IGSF11: variants seen among roughly 807,000 people sequenced by gnomAD.
The protein encoded by IGSF11 is immunoglobulin superfamily member 11.
Under a neutral mutation model 41.0 loss-of-function variants are expected in IGSF11, and 22 were observed. That is an observed-to-expected ratio of 0.54 (90% CI 0.38 to 0.77). The LOEUF is 0.77. Ranked by LOEUF, IGSF11 falls within the 30% of genes least tolerant of loss-of-function variation. The pLI is 0.00. For missense variants in IGSF11, 444 were observed against 530.8 expected (o/e 0.84, Z 1.61); for synonymous variants, 219 against 201.3 (o/e 1.09, Z -0.74).
intron 1 of IGSF11, among the ~76,000 whole-genome samples, chr3:119,120,726 G>A (rs2077321294): frequency 6.6e-6 from 1 of 152,172 alleles, no homozygotes; most frequent in Admixed American, 6.5e-5. Flanking sequence ...TTACCTGAAG[G>A]TTGCCATGAC....
At chr3:118,956,060 G>A in intron 1 of IGSF11, among the ~76,000 whole-genome samples, 1 of 152,130 alleles carries the variant, frequency 6.6e-6, no homozygotes, top group East Asian at 1.9e-4. Flanking sequence ...TTCATGTTAT[G>A]AAGACAACTT....
At chr3:118,993,448 T>A (rs952636987) in intron 1 of IGSF11, among the ~76,000 whole-genome samples, 1 of 152,206 alleles carries the variant, frequency 6.6e-6, no homozygotes, top group Non-Finnish European at 1.5e-5. Context: ...TGGAAAACAG[T>A]TTGGCGATTA....
At chr3:119,002,758 G>C (rs1197153930) in intron 1 of IGSF11, among the ~76,000 whole-genome samples, 2 of 103,450 alleles carry the variant, frequency 1.9e-5, no homozygotes, top group African/African-American at 9.2e-5. Context: ...GTTTTTCTCA[G>C]GTTTGTCAAA....
chr3:119,047,264 G>C (rs926347869), intron 1 of IGSF11, among the ~76,000 whole-genome samples: 2 of 152,006 alleles, frequency 1.3e-5, no homozygotes, highest in Non-Finnish European at 2.9e-5. Context: ...CTCATGTGCA[G>C]AGACACACAT....
intron 1 of IGSF11, among the ~76,000 whole-genome samples, chr3:119,048,110 A>AT (rs1380241997): frequency 6.6e-6 from 1 of 152,014 alleles, no homozygotes; most frequent in East Asian, 1.9e-4. Context: ...GAGCAAACAC[A>AT]TTCAAAAGCT....
intron 1 of IGSF11, among the ~76,000 whole-genome samples, chr3:118,932,671 G>A (rs551181504): frequency 6.6e-6 from 1 of 152,288 alleles, no homozygotes; most frequent in South Asian, 2.1e-4. Flanking sequence ...ACCTCATAAG[G>A]TAGAAATGGG....
chr3:119,046,184 T>C (rs957493585), intron 1 of IGSF11, among the ~76,000 whole-genome samples: 6 of 150,014 alleles, frequency 4.0e-5, no homozygotes, highest in African/African-American at 1.2e-4. Flanking sequence ...CTTCAGACGA[T>C]CAAATTACTC....
intron 1 of IGSF11, among the ~76,000 whole-genome samples, chr3:119,027,918 G>A (rs934530827): frequency 6.6e-6 from 1 of 152,108 alleles, no homozygotes; most frequent in Non-Finnish European, 1.5e-5. Flanking sequence ...TAAAATGTTA[G>A]TCTGATTTGA....
intron 1 of IGSF11, among the ~76,000 whole-genome samples, chr3:119,095,918 T>C (rs1388975054): frequency 1.3e-5 from 2 of 152,196 alleles, no homozygotes; most frequent in South Asian, 4.1e-4. Flanking sequence ...ATGGGGATAC[T>C]CAGGGCCCAT....
chr3:118,912,732 G>C (rs551673690), intron 4 of IGSF11, among the ~76,000 whole-genome samples: 3 of 152,174 alleles, frequency 2.0e-5, no homozygotes, highest in African/African-American at 2.4e-5. Flanking sequence ...CATACAAAGA[G>C]CATAAAGTTA....
chr3:118,979,763 A>T (rs1934516470), intron 1 of IGSF11, among the ~76,000 whole-genome samples: 1 of 152,216 alleles, frequency 6.6e-6, no homozygotes. Flanking sequence ...TTGGAATAAA[A>T]TATTTACAAA....
At chr3:118,944,457 TAC>T (rs3079206) in intron 1 of IGSF11, among the ~76,000 whole-genome samples, 14,066 of 125,506 alleles carry the variant, frequency 0.11, 783 homozygotes, top group East Asian at 0.19. Flanking sequence ...TAGCTTGAAA[TAC>T]ACACACACAC....
chr3:119,029,562 G>A (rs1349445979), intron 1 of IGSF11, among the ~76,000 whole-genome samples: 4 of 152,132 alleles, frequency 2.6e-5, no homozygotes, highest in African/African-American at 9.7e-5. Flanking sequence ...GATGTTACTA[G>A]CAGAGGAACG....
At chr3:118,967,052 G>A (rs1214164398) in intron 1 of IGSF11, among the ~76,000 whole-genome samples, 1 of 152,108 alleles carries the variant, frequency 6.6e-6, no homozygotes, top group Non-Finnish European at 1.5e-5. Flanking sequence ...TCAGAATTTT[G>A]AAGGAGGGCT....
intron 1 of IGSF11, among the ~76,000 whole-genome samples, chr3:119,104,682 C>T (rs1268836934): frequency 6.6e-6 from 1 of 152,134 alleles, no homozygotes; most frequent in Non-Finnish European, 1.5e-5. Flanking sequence ...GTTGTAGCTG[C>T]AACTGAACTC....
intron 1 of IGSF11, among the ~76,000 whole-genome samples, chr3:118,938,041 ATGTG>A (rs142768013): frequency 0.039 from 5,774 of 149,152 alleles, 319 homozygotes; most frequent in African/African-American, 0.13. Context: ...TATATATAAA[ATGTG>A]TGTGTGTGTG....
At chr3:119,019,769 G>A (rs1386446818) in intron 1 of IGSF11, among the ~76,000 whole-genome samples, 2 of 152,120 alleles carry the variant, frequency 1.3e-5, no homozygotes, top group Non-Finnish European at 2.9e-5. Context: ...TTATTGAACA[G>A]GAACAGTGGT....
intron 1 of IGSF11, among the ~76,000 whole-genome samples, chr3:119,011,945 CTGTGTG>C (rs1553711932): frequency 2.5e-4 from 37 of 148,592 alleles, no homozygotes; most frequent in Admixed American, 1.7e-3. Context: ...ATATAGTGTT[CTGTGTG>C]TGTGTGTGTG....
At chr3:118,945,824 A>G (rs1944083405) in intron 1 of IGSF11, 1 of 152,350 alleles carries the variant, frequency 6.6e-6, no homozygotes. Flanking sequence ...TGGGTTGACA[A>G]TTCATCCTAA....
Sources: allele counts gnomAD v4.1 joint callset (sites outside exome capture counted in the v4.1 genomes callset), GRCh38; gene constraint gnomAD v4.1.1; transcripts MANE v1.5; gene names NCBI Gene and HGNC (gene_info 2026-07-23, HGNC 2026-07-21).